The following LARP4B variants were observed in gnomAD, a reference collection of about 807,000 sequenced individuals.
LARP4B encodes La ribonucleoprotein 4B, also known as la-related protein 4B.
Under a neutral mutation model 89.8 loss-of-function variants are expected in LARP4B, and 12 were observed. The observed-to-expected ratio is 0.13, with a 90% CI of 0.09 to 0.22. LARP4B has a LOEUF of 0.22. LARP4B is among the 10% of genes least tolerant of loss of function. The probability of loss-of-function intolerance (pLI) is 1.00; values close to 1 mark genes in which losing one functional copy is unlikely to be tolerated. For synonymous variants in LARP4B, 367 were observed against 363.3 expected (o/e 1.01, Z -0.12); for missense variants, 757 against 947.7 (o/e 0.80, Z 2.64).
At chr10:820,713 T>G in intron 14 of LARP4B, 87 bp downstream of exon 14, 1 of 1,208,796 alleles carries the variant, frequency 8.3e-7, no homozygotes, top group Non-Finnish European at 1.2e-6. Context: ...TCTTGTGCCT[T>G]AACCTTAATC....
chr10:872,894 G>A, intron 3 of LARP4B: 1 of 249,630 alleles, frequency 4.0e-6, no homozygotes, highest in South Asian at 1.5e-4. Context: ...AGGGTTCAAT[G>A]ACTGCTTGGG....
chr10:871,450 C>T (rs1302252996), intron 3 of LARP4B, among the ~76,000 whole-genome samples: 1 of 152,068 alleles, frequency 6.6e-6, no homozygotes, highest in African/African-American at 2.4e-5. Context: ...GTGTTGCAGC[C>T]TCATCTGCTT....
At chr10:974,930 G>C in the LARP4B span, among the ~76,000 whole-genome samples, 1 of 152,208 alleles carries the variant, frequency 6.6e-6, no homozygotes, top group Admixed American at 6.5e-5. Flanking sequence ...AGTGTGACTG[G>C]GAAAGTAGCG....
intron 11 of LARP4B, among the ~76,000 whole-genome samples, chr10:826,240 G>C (rs1286381471): frequency 6.6e-6 from 1 of 152,182 alleles, no homozygotes; most frequent in Non-Finnish European, 1.5e-5. Flanking sequence ...ATTCCTGATG[G>C]CTTTAATACA....
In LARP4B at chr10:921,994, C is replaced by G. The variant is rs540121266; in HGVS notation, c.-40+9434G>C. 7.9e-5 allele frequency among the ~76,000 whole-genome samples: 12 copies of G among 152,150 alleles called. No homozygotes were observed. The South Asian group carries it at 2.5e-3, about 32-fold the overall frequency. ...CTCATTTTCACAATGGTCAGTACTC[C>G]AAGTCAGCGGTAACCAATCTTTTTT... On this transcript the variant is annotated intron_variant, in intron 1 of 17. Transcript: ENST00000316157.
chr10:886,809 G>A (rs967070104), intron 1 of LARP4B, among the ~76,000 whole-genome samples: 4 of 151,988 alleles, frequency 2.6e-5, no homozygotes, highest in African/African-American at 7.2e-5. Context: ...GGTGACTACC[G>A]CCGGGCACAG....
the LARP4B span, among the ~76,000 whole-genome samples, chr10:974,012 TC>T: frequency 2.0e-5 from 3 of 152,036 alleles, no homozygotes; most frequent in Non-Finnish European, 4.4e-5. Context: ...CCTTCAAAAC[TC>T]CCAAGGATGG....
At chr10:925,900 T>C (rs906075057) in intron 1 of LARP4B, among the ~76,000 whole-genome samples, 2 of 152,226 alleles carry the variant, frequency 1.3e-5, no homozygotes, top group African/African-American at 2.4e-5. Context: ...TAAATTACTC[T>C]ATCTGAAAAT....
intron 1 of LARP4B, among the ~76,000 whole-genome samples, chr10:899,811 G>A (rs1836285806): frequency 6.6e-6 from 1 of 151,974 alleles, no homozygotes; most frequent in African/African-American, 2.4e-5. Context: ...TATTCAACTA[G>A]ATAAGTAAAC....
chr10:894,852 G>A (rs908085809), intron 1 of LARP4B, among the ~76,000 whole-genome samples: 13 of 152,134 alleles, frequency 8.5e-5, no homozygotes, highest in African/African-American at 3.1e-4. Flanking sequence ...GTGAACTGAG[G>A]ATCACTATAG....
At chr10:940,403 C>T in the LARP4B span, among the ~76,000 whole-genome samples, 1 of 152,256 alleles carries the variant, frequency 6.6e-6, no homozygotes, top group Admixed American at 6.5e-5. Context: ...ATCCTCCCAC[C>T]TTGGCCTCCC....
intron 5 of LARP4B, among the ~76,000 whole-genome samples, chr10:852,339 T>C (rs1315065137): frequency 6.6e-6 from 1 of 152,212 alleles, no homozygotes; most frequent in Non-Finnish European, 1.5e-5. Flanking sequence ...AATGTTGGTA[T>C]CACATTTGAA....
the LARP4B span, among the ~76,000 whole-genome samples, chr10:944,207 C>T: frequency 6.6e-6 from 1 of 152,202 alleles, no homozygotes; most frequent in Non-Finnish European, 1.5e-5. Context: ...AACCTCCGAA[C>T]AGTGGCTGTG....
At chr10:871,184 C>T (rs903384059) in intron 3 of LARP4B, among the ~76,000 whole-genome samples, 1 of 152,216 alleles carries the variant, frequency 6.6e-6, no homozygotes, top group East Asian at 1.9e-4. Context: ...CAGCTGGTCT[C>T]GTGACACACT....
chr10:884,344 T>C (rs1023208940), intron 3 of LARP4B, 103 bp downstream of exon 3: 5 of 858,976 alleles, frequency 5.8e-6, no homozygotes, highest in Admixed American at 2.0e-5. Flanking sequence ...GAGAAATATC[T>C]ACATTTTCTA....
At chr10:947,389 G>A in the LARP4B span, among the ~76,000 whole-genome samples, 1 of 151,992 alleles carries the variant, frequency 6.6e-6, no homozygotes, top group South Asian at 2.1e-4. Flanking sequence ...TGGCCATTGA[G>A]TGACCCACAT....
chr10:813,501 C>A (rs781374425), intron 17 of LARP4B, among the ~76,000 whole-genome samples: 1 of 152,220 alleles, frequency 6.6e-6, no homozygotes, highest in East Asian at 1.9e-4. Context: ...TTGGGCAATG[C>A]GGAAGCCTAG....
chr10:896,156 G>A (rs1836183405), intron 1 of LARP4B, among the ~76,000 whole-genome samples: 1 of 152,228 alleles, frequency 6.6e-6, no homozygotes, highest in Non-Finnish European at 1.5e-5. Flanking sequence ...GCTCAGTCCT[G>A]TTCACTAAGA....
chr10:909,293 CAA>C (rs56787174), intron 1 of LARP4B, among the ~76,000 whole-genome samples: 29 of 80,830 alleles, frequency 3.6e-4, no homozygotes, highest in South Asian at 9.4e-4. Context: ...GACTCCGTCT[CAA>C]AAAAAAAAAA....
Sources: allele counts gnomAD v4.1 joint callset (sites outside exome capture counted in the v4.1 genomes callset), GRCh38; gene constraint gnomAD v4.1.1; transcripts MANE v1.5; gene names NCBI Gene and HGNC (gene_info 2026-07-23, HGNC 2026-07-21).